ASF1B: variants seen among roughly 807,000 people sequenced by gnomAD.
ASF1B encodes anti-silencing function 1B histone chaperone.
A neutral mutation model predicts 16.6 loss-of-function variants in ASF1B; 10 were observed. The ratio of observed to expected loss-of-function variants is 0.60; its 90% CI spans 0.37 to 1.02. The LOEUF is 1.02. Among genes scored for constraint, ASF1B ranks in the 50% least tolerant of loss-of-function variants. The pLI, the probability that ASF1B is intolerant of heterozygous loss-of-function variation, is 0.01. For missense variants in ASF1B, 240 were observed against 266.0 expected (o/e 0.90, Z 0.68); for synonymous variants, 101 against 106.2 (o/e 0.95, Z 0.30).
intron 1 of ASF1B, among the ~76,000 whole-genome samples, chr19:14,131,923 G>A (rs1457829931): frequency 6.6e-6 from 1 of 152,076 alleles, no homozygotes; most frequent in African/African-American, 2.4e-5. Flanking sequence ...TCAGCTAAAT[G>A]TGGAAGAATC....
chr19:14,121,750 T>A (rs200837374), intron 2 of ASF1B, 42 bp from the exon 3 acceptor site: 2 of 1,538,452 alleles, frequency 1.3e-6, no homozygotes, highest in Non-Finnish European at 1.8e-6. Context: ...GCCACAGCCA[T>A]GCCTCGATGT....
chr19:14,134,071 T>C (rs1967449341), intron 1 of ASF1B, among the ~76,000 whole-genome samples: 2 of 152,166 alleles, frequency 1.3e-5, no homozygotes, highest in Non-Finnish European at 2.9e-5. Flanking sequence ...CCCAAAGTGC[T>C]GGGATTACAG....
intron 2 of ASF1B, among the ~76,000 whole-genome samples, chr19:14,122,052 T>C (rs1222000240): frequency 1.3e-5 from 2 of 151,910 alleles, no homozygotes; most frequent in East Asian, 3.9e-4. Context: ...TGCCTCAGCC[T>C]CCCGAGTAGC....
intron 1 of ASF1B, among the ~76,000 whole-genome samples, chr19:14,132,900 C>T (rs1159859870): frequency 6.6e-6 from 1 of 151,684 alleles, no homozygotes; most frequent in Non-Finnish European, 1.5e-5. Context: ...GCGGGCGGAT[C>T]ACAAGGTCAG....
At chr19:14,126,307 ATTTTT>A in intron 1 of ASF1B, 70 bp from the exon 2 acceptor site, 4 of 841,066 alleles carry the variant, frequency 4.8e-6, no homozygotes, top group Non-Finnish European at 5.5e-6. Context: ...AGGCTCTTGT[ATTTTT>A]TTTTTTTTTT....
intron 1 of ASF1B, 102 bp from the exon 2 acceptor site, chr19:14,126,339 C>G (rs1478768586): frequency 1.3e-6 from 1 of 748,840 alleles, no homozygotes; most frequent in Non-Finnish European, 2.3e-6. Context: ...GAGTCTCGTT[C>G]TGTCACACAG....
At position 14,120,548 on chromosome 19, in the gene ASF1B, GGCC is replaced by G; in HGVS notation, c.517_519del (p.Gly173del). 6.2e-7 allele frequency: 1 copy of G among 1,613,632 alleles called. No homozygotes were observed. Among genetic ancestry groups the G allele is most frequent in the Non-Finnish European group, 8.5e-7 (1 of 1,179,734 alleles). On this transcript the variant is annotated inframe_deletion, in exon 4 of 4. Transcript: ENST00000263382. ...TTGATAGGAGTGCAGTTGAGTGGGA[GGCC>G]GCAGCCCAGGGAGGGGTCCTGGGTC...
At chr19:14,121,120 C>T (rs1000977664) in intron 3 of ASF1B, among the ~76,000 whole-genome samples, 1 of 151,088 alleles carries the variant, frequency 6.6e-6, no homozygotes, top group African/African-American at 2.5e-5. Context: ...CTGTGCCTGG[C>T]CCAGGACTTT....
chr19:14,132,556 C>T (rs1967421619), intron 1 of ASF1B, among the ~76,000 whole-genome samples: 1 of 152,102 alleles, frequency 6.6e-6, no homozygotes, highest in Non-Finnish European at 1.5e-5. Context: ...GCTTAGGATT[C>T]AAAGTGTAAT....
intron 1 of ASF1B, among the ~76,000 whole-genome samples, chr19:14,136,125 A>G (rs1190931699): frequency 2.9e-5 from 2 of 69,422 alleles, no homozygotes; most frequent in African/African-American, 1.2e-4. Context: ...CGGGAGGTCA[A>G]GGCGGGCAGT....
chr19:14,121,303 G>A (rs1967232843), intron 3 of ASF1B: 4 of 443,792 alleles, frequency 9.0e-6, no homozygotes, highest in South Asian at 6.0e-5. Context: ...TTTTGCGGGG[G>A]TTAGGGACAG....
At chr19:14,133,994 C>T (rs924559824) in intron 1 of ASF1B, among the ~76,000 whole-genome samples, 1 of 151,774 alleles carries the variant, frequency 6.6e-6, no homozygotes, top group East Asian at 2.0e-4. Context: ...TTAGTAGAGA[C>T]GGGGTTTCAC....
intron 1 of ASF1B, among the ~76,000 whole-genome samples, chr19:14,126,993 C>T (rs931429746): frequency 2.6e-5 from 4 of 152,216 alleles, no homozygotes; most frequent in Non-Finnish European, 4.4e-5. Context: ...ATGTTCATGG[C>T]TCACTGTAGC....
intron 2 of ASF1B, among the ~76,000 whole-genome samples, chr19:14,125,062 G>A (rs1466464962): frequency 6.6e-6 from 1 of 152,130 alleles, no homozygotes; most frequent in Non-Finnish European, 1.5e-5. Context: ...CATCTCCCAG[G>A]TTCAAGCGAT....
rs533151418 is a variant in ASF1B, at chr19:14,123,984, G to C, written c.225+2138C>G. 8.6e-5 allele frequency among the ~76,000 whole-genome samples: 13 copies of C among 151,884 alleles called. No homozygotes were observed. The South Asian group carries it at 2.1e-3, about 24-fold the overall frequency. On this transcript the variant is annotated intron_variant, in intron 2 of 3. Coordinates refer to ENST00000263382, the MANE Select transcript of ASF1B (RefSeq NM_018154.3). ...TTTTGTATTTTTTAGTAGAGACAGG[G>C]TTTCACCATGTTGGCCAGGCTAGTC...
intron 2 of ASF1B, among the ~76,000 whole-genome samples, chr19:14,122,297 C>T (rs1310599036): frequency 1.3e-5 from 2 of 151,586 alleles, no homozygotes; most frequent in Admixed American, 1.3e-4. Context: ...AAACTCCTGA[C>T]TTCAGGTGAT....
At chr19:14,123,329 TG>T (rs145781902) in intron 2 of ASF1B, among the ~76,000 whole-genome samples, 1 of 151,602 alleles carries the variant, frequency 6.6e-6, no homozygotes, top group Non-Finnish European at 1.5e-5. Context: ...CAGAGGATCC[TG>T]AAAAATCACC....
At chr19:14,123,614 T>C (rs1346838245) in intron 2 of ASF1B, among the ~76,000 whole-genome samples, 3 of 151,862 alleles carry the variant, frequency 2.0e-5, no homozygotes, top group Non-Finnish European at 4.4e-5. Flanking sequence ...TCTCCTGACC[T>C]TGTGATCCGC....
intron 2 of ASF1B, among the ~76,000 whole-genome samples, chr19:14,125,030 G>A (rs1163222242): frequency 2.0e-5 from 3 of 152,080 alleles, no homozygotes; most frequent in Non-Finnish European, 2.9e-5. Context: ...GCACTGGTGC[G>A]ATCTCAGCTC....
Sources: gnomAD v4.1 joint callset for allele counts (sites outside exome capture counted in the v4.1 genomes callset) on GRCh38, gnomAD v4.1.1 for gene constraint, MANE v1.5 for transcripts, NCBI Gene and HGNC (gene_info 2026-07-23, HGNC 2026-07-21) for gene names.